The following RPS6KC1 variants were observed in gnomAD, a reference collection of about 807,000 sequenced individuals.
RPS6KC1 encodes ribosomal protein S6 kinase C1, also known as inactive ribosomal protein S6 kinase delta-1.
RPS6KC1 carries 54 observed loss-of-function variants against 103.8 expected under a neutral mutation model. That is an observed-to-expected ratio of 0.52 (90% CI 0.42 to 0.65). RPS6KC1 has a LOEUF of 0.65. Ranked by LOEUF, RPS6KC1 falls within the 30% of genes least tolerant of loss-of-function variation. The pLI is 0.00. For missense variants in RPS6KC1, 1,151 were observed against 1,253.8 expected, an observed-to-expected ratio of 0.92 and a Z score of 1.24; for synonymous variants, 439 against 438.7, an observed-to-expected ratio of 1.00 and a Z score of -0.01.
At chr1:213,231,041 A>G (rs1489365456) in intron 9 of RPS6KC1, among the ~76,000 whole-genome samples, 2 of 151,882 alleles carry the variant, frequency 1.3e-5, no homozygotes, top group Non-Finnish European at 2.9e-5. Context: ...TTTTCTTTCT[A>G]TCCTTTCATC....
At chr1:213,365,208 C>A in the RPS6KC1 span, among the ~76,000 whole-genome samples, 1 of 152,154 alleles carries the variant, frequency 6.6e-6, no homozygotes, top group Non-Finnish European at 1.5e-5. Flanking sequence ...TCACATCAAA[C>A]CTTTGTATTT....
chr1:213,369,397 C>T, the RPS6KC1 span, among the ~76,000 whole-genome samples: 1 of 152,202 alleles, frequency 6.6e-6, no homozygotes, highest in Non-Finnish European at 1.5e-5. Context: ...TATTCTAGCC[C>T]CTGACAGCTA....
the RPS6KC1 span, among the ~76,000 whole-genome samples, chr1:213,499,327 G>A: frequency 3.9e-5 from 6 of 152,140 alleles, no homozygotes; most frequent in African/African-American, 9.7e-5. Context: ...AGGCGATTTC[G>A]TCATTATGTG....
At chr1:213,690,486 C>T in the RPS6KC1 span, among the ~76,000 whole-genome samples, 3 of 152,154 alleles carry the variant, frequency 2.0e-5, no homozygotes, top group African/African-American at 7.2e-5. Flanking sequence ...TGGACTCTCC[C>T]TGTAATATCA....
At chr1:213,176,532 C>A in intron 8 of RPS6KC1, 40 bp downstream of exon 8, 2 of 1,289,194 alleles carry the variant, frequency 1.6e-6, no homozygotes. Flanking sequence ...AGTCATAAAT[C>A]GACTGCATGC....
intron 6 of RPS6KC1, among the ~76,000 whole-genome samples, chr1:213,135,102 A>G (rs886246884): frequency 6.6e-6 from 1 of 152,090 alleles, no homozygotes; most frequent in Non-Finnish European, 1.5e-5. Context: ...GTTCTATTCT[A>G]TTCCTAGTTT....
chr1:213,666,272 CTG>C, the RPS6KC1 span, among the ~76,000 whole-genome samples: 34 of 152,294 alleles, frequency 2.2e-4, no homozygotes, highest in African/African-American at 7.5e-4. Flanking sequence ...GATGACCAAA[CTG>C]AGATCTGTCT....
the RPS6KC1 span, among the ~76,000 whole-genome samples, chr1:213,658,583 A>G: frequency 6.6e-6 from 1 of 152,356 alleles, no homozygotes; most frequent in Non-Finnish European, 1.5e-5. Context: ...TTCCTTGGTC[A>G]TGGGCAATAG....
At chr1:213,839,154 C>T in the RPS6KC1 span, among the ~76,000 whole-genome samples, 1 of 152,112 alleles carries the variant, frequency 6.6e-6, no homozygotes, top group Non-Finnish European at 1.5e-5. Context: ...CCAACATAAT[C>T]CTATGTTGTA....
the RPS6KC1 span, among the ~76,000 whole-genome samples, chr1:213,704,386 A>C: frequency 2.4e-5 from 2 of 81,902 alleles, no homozygotes; most frequent in East Asian, 2.8e-4. Context: ...ACTCCGTCTC[A>C]AAAAAAAAAA....
At chr1:213,235,999 C>T (rs995079885) in intron 10 of RPS6KC1, among the ~76,000 whole-genome samples, 6 of 152,084 alleles carry the variant, frequency 3.9e-5, no homozygotes, top group Non-Finnish European at 5.9e-5. Context: ...AGGTGAGTGG[C>T]GGACAAGTGA....
chr1:213,157,076 C>A (rs1223346574), intron 6 of RPS6KC1, among the ~76,000 whole-genome samples: 2 of 152,154 alleles, frequency 1.3e-5, no homozygotes, highest in Non-Finnish European at 2.9e-5. Flanking sequence ...GCTTCCACAT[C>A]CCATAAATTT....
chr1:213,371,459 A>C, the RPS6KC1 span, among the ~76,000 whole-genome samples: 1 of 152,172 alleles, frequency 6.6e-6, no homozygotes, highest in African/African-American at 2.4e-5. Context: ...TGTATACCCA[A>C]AAGTGGAATT....
chr1:213,414,172 C>T, the RPS6KC1 span, among the ~76,000 whole-genome samples: 31 of 152,278 alleles, frequency 2.0e-4, no homozygotes, highest in African/African-American at 6.7e-4. Flanking sequence ...ACCTTACCAA[C>T]GCCTTTCACT....
At chr1:213,268,756 A>G (rs1177916310) in intron 14 of RPS6KC1, among the ~76,000 whole-genome samples, 1 of 151,614 alleles carries the variant, frequency 6.6e-6, no homozygotes, top group African/African-American at 2.4e-5. Flanking sequence ...TAAAGTTACT[A>G]TTATTTTGAA....
chr1:213,130,055 A>G (rs59082616), intron 6 of RPS6KC1, among the ~76,000 whole-genome samples, 166 bp downstream of exon 6: 5,349 of 152,218 alleles, frequency 0.035, 278 homozygotes, highest in African/African-American at 0.12. Context: ...AAGTTCCTTG[A>G]GATGTTAGAC....
the RPS6KC1 span, among the ~76,000 whole-genome samples, chr1:213,741,248 G>T: frequency 2.6e-5 from 4 of 151,664 alleles, no homozygotes; most frequent in African/African-American, 9.7e-5. Flanking sequence ...TTTTTTGCAT[G>T]TGGTGAGAAC....
the RPS6KC1 span, among the ~76,000 whole-genome samples, chr1:213,756,869 C>A: frequency 9.2e-5 from 14 of 152,190 alleles, 1 homozygote; most frequent in South Asian, 2.7e-3. Context: ...CTCGGCCCCC[C>A]CAAAGTACTG....
At chr1:213,786,229 G>A in the RPS6KC1 span, among the ~76,000 whole-genome samples, 1 of 152,140 alleles carries the variant, frequency 6.6e-6, no homozygotes, top group Admixed American at 6.5e-5. Context: ...ACATCTTGAG[G>A]TATAAAAAGA....
Sources: gnomAD v4.1 joint callset for allele counts (sites outside exome capture counted in the v4.1 genomes callset) on GRCh38, gnomAD v4.1.1 for gene constraint, MANE v1.5 for transcripts, NCBI Gene and HGNC (gene_info 2026-07-23, HGNC 2026-07-21) for gene names.